FAR1: variants seen among roughly 807,000 people sequenced by gnomAD.
FAR1 encodes fatty acyl-CoA reductase 1, also known as male sterility domain-containing protein 2.
FAR1 carries 22 observed loss-of-function variants against 61.1 expected under a neutral mutation model. The ratio of observed to expected loss-of-function variants is 0.36; its 90% CI spans 0.26 to 0.51. The LOEUF is 0.51. Among genes scored for constraint, FAR1 ranks in the 20% least tolerant of loss-of-function variants. FAR1 has a pLI of 0.95. For missense variants in FAR1, 359 were observed against 626.9 expected (o/e 0.57, Z 4.56); for synonymous variants, 206 against 209.7 (o/e 0.98, Z 0.15).
chr11:13,669,739 C>T (rs1447326001), intron 1 of FAR1: 2 of 152,224 alleles, frequency 1.3e-5, no homozygotes, highest in Non-Finnish European at 2.9e-5. Context: ...GATCCTCCTC[C>T]TACACTCCAC....
intron 1 of FAR1, 65 bp from the exon 2 acceptor site, chr11:13,694,694 A>G: frequency 7.4e-7 from 1 of 1,349,226 alleles, no homozygotes; most frequent in Admixed American, 2.4e-5. Context: ...ATACCAAGAG[A>G]TTTTTAGTAT....
chr11:13,727,082 C>G (rs1455292519), intron 10 of FAR1, among the ~76,000 whole-genome samples: 3 of 151,958 alleles, frequency 2.0e-5, no homozygotes, highest in African/African-American at 7.2e-5. Flanking sequence ...CCTTAGCCAG[C>G]TTTCATAACA....
chr11:13,679,399 C>A (rs1848101498), intron 1 of FAR1, among the ~76,000 whole-genome samples: 1 of 152,084 alleles, frequency 6.6e-6, no homozygotes, highest in Non-Finnish European at 1.5e-5. Flanking sequence ...AAATTGAATA[C>A]ATGTTTTTGC....
Position 13,694,819 on chromosome 11 carries a change from T to G in FAR1, c.54T>G (p.Ala18=), listed in dbSNP as rs762762822. The G allele has an allele frequency of 2.0e-5, 32 of 1,613,986 alleles. No individual in the cohort carries two copies. In the Middle Eastern group the frequency reaches 6.6e-4, roughly 33 times the overall value. ...YEGKNVLLTG[A]TGFLGKVLLE... is the part of the protein sequence containing the mutation. ...GCAAGAACGTCCTCCTCACAGGAGCTACCGGTTTTCTAGGGAAGGTGCTTC... is the reference window on the plus strand; with the variant it reads ...GCAAGAACGTCCTCCTCACAGGAGCGACCGGTTTTCTAGGGAAGGTGCTTC... Residue 18 remains alanine, a synonymous_variant, in exon 2 of 12, where the codon GCT becomes GCG. Coordinates refer to ENST00000354817, the MANE Select transcript of FAR1 (RefSeq NM_032228.6).
Position 13,721,999 on chromosome 11 carries a change from A to G in FAR1, c.1257+140A>G, listed in dbSNP as rs1848614523. The G allele has an allele frequency of 4.6e-6, 3 of 652,466 alleles. No homozygotes were observed. In the South Asian group the frequency reaches 8.5e-5, roughly 18 times the overall value. The allele number at this position is 652,466 out of a possible 1,614,324, so 40.4% of individuals were successfully genotyped here. ...TATAGTCTCTCATAAAGCTTTAGTC[A>G]TAATTGTTAGTGGTGAAATAAAATT... On this transcript the variant is annotated intron_variant, in intron 10 of 11. Coordinates refer to ENST00000354817, the MANE Select transcript of FAR1 (RefSeq NM_032228.6). The surrounding 1 kb of genome is among the most constrained non-coding windows in gnomAD (Gnocchi z 4.2).
At chr11:13,694,064 A>G (rs1232134896) in intron 1 of FAR1, among the ~76,000 whole-genome samples, 2 of 152,196 alleles carry the variant, frequency 1.3e-5, no homozygotes, top group Non-Finnish European at 2.9e-5. Flanking sequence ...TTGTAGTGAC[A>G]TAATACATGA....
chr11:13,684,578 T>C (rs1848166044), intron 1 of FAR1, among the ~76,000 whole-genome samples: 1 of 152,184 alleles, frequency 6.6e-6, no homozygotes, highest in Non-Finnish European at 1.5e-5. Context: ...GGTAAACAGG[T>C]GAGTTTAGAT....
intron 3 of FAR1, among the ~76,000 whole-genome samples, chr11:13,705,731 A>G (rs1451686044): frequency 6.6e-6 from 1 of 152,182 alleles, no homozygotes; most frequent in African/African-American, 2.4e-5. Flanking sequence ...TCATTAAAAA[A>G]ATTATTTCTA....
At chr11:13,727,755 TG>T in intron 11 of FAR1, 72 bp downstream of exon 11, 1 of 1,400,658 alleles carries the variant, frequency 7.1e-7, no homozygotes. Context: ...TTTGGTAAAC[TG>T]GTATATTTGC....
At chr11:13,701,285 TGCTC>T (rs71041540) in intron 3 of FAR1, among the ~76,000 whole-genome samples, 4,874 of 152,166 alleles carry the variant, frequency 0.032, 109 homozygotes, top group Non-Finnish European at 0.047. Context: ...GGATATTGAA[TGCTC>T]TAACAAAGAA....
intron 1 of FAR1, among the ~76,000 whole-genome samples, chr11:13,685,146 C>T (rs1848172341): frequency 6.6e-6 from 1 of 152,192 alleles, no homozygotes; most frequent in African/African-American, 2.4e-5. Context: ...ATAATTAAAT[C>T]CACCTAGAAG....
At chr11:13,692,651 A>G (rs1426577284) in intron 1 of FAR1, among the ~76,000 whole-genome samples, 1 of 152,186 alleles carries the variant, frequency 6.6e-6, no homozygotes, top group Non-Finnish European at 1.5e-5. Flanking sequence ...TTTTTTCTCC[A>G]TATAAACCTT....
chr11:13,726,416 T>A (rs1268210367), intron 10 of FAR1, among the ~76,000 whole-genome samples: 2 of 152,106 alleles, frequency 1.3e-5, no homozygotes, highest in African/African-American at 4.8e-5. Context: ...GAAATATCTT[T>A]ATTTCACCTT....
chr11:13,669,049 A>G (rs938997835), intron 1 of FAR1, among the ~76,000 whole-genome samples: 2 of 152,048 alleles, frequency 1.3e-5, no homozygotes, highest in Non-Finnish European at 2.9e-5. Context: ...TGGGGGACGT[A>G]CGGTGGGGCC....
Position 13,721,661 on chromosome 11 carries a change from C to A in FAR1, c.1128-69C>A. 1 of 1,370,888 alleles carries A rather than the reference C, an allele frequency of 7.3e-7. No individual in the cohort carries two copies. The highest frequency in any genetic ancestry group is 1.0e-6 in the Non-Finnish European group (1 of 990,920). The allele number at this position is 1,370,888 out of a possible 1,614,324, so 84.9% of individuals were successfully genotyped here. ...CTATATTATAGGGGGAAACTTGCAC[C>A]CTGGGTGGTGATAGGATTTTTCCTA... On this transcript the variant is annotated intron_variant, in intron 9 of 11. Coordinates refer to ENST00000354817, the MANE Select transcript of FAR1 (RefSeq NM_032228.6). The surrounding 1 kb of genome is among the most constrained non-coding windows in gnomAD (Gnocchi z 4.2).
chr11:13,678,513 C>T (rs1033594445), intron 1 of FAR1, among the ~76,000 whole-genome samples: 1 of 152,182 alleles, frequency 6.6e-6, no homozygotes, highest in African/African-American at 2.4e-5. Flanking sequence ...ATCCACCCGC[C>T]TCGGCCTCCC....
At chr11:13,695,789 A>G (rs1283486781) in intron 2 of FAR1, among the ~76,000 whole-genome samples, 3 of 152,230 alleles carry the variant, frequency 2.0e-5, no homozygotes, top group East Asian at 3.8e-4. Context: ...TGAACTTCAT[A>G]TACCTTTATA....
At chr11:13,725,067 T>C (rs1848655284) in intron 10 of FAR1, among the ~76,000 whole-genome samples, 1 of 152,214 alleles carries the variant, frequency 6.6e-6, no homozygotes, top group Non-Finnish European at 1.5e-5. Context: ...ATATAAATGG[T>C]ATTATACAGT....
chr11:13,673,630 CTG>C (rs1303870381), intron 1 of FAR1, among the ~76,000 whole-genome samples: 1 of 152,174 alleles, frequency 6.6e-6, no homozygotes, highest in African/African-American at 2.4e-5. Context: ...TGTTTGTGCT[CTG>C]TGACACTGCC....
Sources: allele counts gnomAD v4.1 joint callset (sites outside exome capture counted in the v4.1 genomes callset), GRCh38; gene constraint gnomAD v4.1.1; non-coding constraint Gnocchi (gnomAD v3.1); transcripts MANE v1.5; gene names NCBI Gene and HGNC (gene_info 2026-07-23, HGNC 2026-07-21).